TPCN1: variants seen among roughly 807,000 people sequenced by gnomAD.
The protein encoded by TPCN1 is two pore segment channel 1, also known as two pore channel protein 1.
In TPCN1, 52 loss-of-function variants were observed where a neutral mutation model predicts 108.8. The observed-to-expected ratio is 0.48, with a 90% CI of 0.38 to 0.60. TPCN1 has a LOEUF of 0.60. Ranked by LOEUF, TPCN1 falls within the 20% of genes least tolerant of loss-of-function variation. The pLI is 0.00. For synonymous variants in TPCN1, 446 were observed against 433.7 expected (o/e 1.03, Z -0.35); for missense variants, 806 against 1,072.8 (o/e 0.75, Z 3.47).
chr12:113,296,287 G>C lies in TPCN1; in HGVS notation c.*211G>C. 2.9e-6 allele frequency: 2 copies of C among 683,180 alleles called. No individual in the cohort carries two copies. Among genetic ancestry groups the C allele is most frequent in the Non-Finnish European group, 4.7e-6 (2 of 428,450 alleles). 42.3% of individuals were successfully genotyped at this position (683,180 alleles called of 1,614,324 possible). A position where few individuals can be genotyped will look rare whatever the true frequency, so the allele number is the denominator to read the frequency against. ...AGCCAGTTTGGTGAGGGGTGGGGGTGCGGCCACCAGGTCTGAGCTCTTCCT... is the reference window on the plus strand; with the variant it reads ...AGCCAGTTTGGTGAGGGGTGGGGGTCCGGCCACCAGGTCTGAGCTCTTCCT... On this transcript the variant is annotated 3_prime_UTR_variant, in exon 28 of 28. Coordinates refer to ENST00000335509, the MANE Select transcript of TPCN1 (RefSeq NM_017901.6).
intron 1 of TPCN1, among the ~76,000 whole-genome samples, chr12:113,224,235 G>A (rs1199298404): frequency 2.0e-5 from 3 of 152,154 alleles, no homozygotes; most frequent in East Asian, 3.9e-4. Context: ...GGCAGGATAC[G>A]TAATCTGTCT....
intron 27 of TPCN1, among the ~76,000 whole-genome samples, chr12:113,295,613 A>G (rs183462698): frequency 6.6e-6 from 1 of 152,234 alleles, no homozygotes; most frequent in African/African-American, 2.4e-5. Flanking sequence ...CAGGGACACA[A>G]TTCCTGCCAA....
At chr12:113,239,792 G>A (rs975557128) in intron 2 of TPCN1, among the ~76,000 whole-genome samples, 12 of 152,110 alleles carry the variant, frequency 7.9e-5, no homozygotes, top group African/African-American at 1.9e-4. Context: ...CTTCCCCGTC[G>A]CCGCCCTACC....
At chr12:113,249,129 G>T (rs560562612) in intron 2 of TPCN1, among the ~76,000 whole-genome samples, 2 of 152,268 alleles carry the variant, frequency 1.3e-5, no homozygotes, top group South Asian at 4.1e-4. Context: ...AGGAAAATGT[G>T]GTCTCAGTCA....
chr12:113,267,513 C>T (rs1955312506), intron 4 of TPCN1, among the ~76,000 whole-genome samples: 1 of 152,086 alleles, frequency 6.6e-6, no homozygotes. Context: ...ATTCTCCTGC[C>T]TCAGCCTCCT....
intron 4 of TPCN1, among the ~76,000 whole-genome samples, chr12:113,267,483 C>A (rs1955310197): frequency 6.6e-6 from 1 of 151,800 alleles, no homozygotes; most frequent in Non-Finnish European, 1.5e-5. Context: ...ACTGCAACAT[C>A]TGCCTCCTGT....
chr12:113,291,413 G>A, intron 23 of TPCN1, 196 bp from the exon 24 acceptor site: 1 of 610,832 alleles, frequency 1.6e-6, no homozygotes, highest in Non-Finnish European at 2.9e-6. Context: ...GTCGTCCAGG[G>A]GAGTGGCCAG....
In TPCN1 at chr12:113,288,424, CCTGT is replaced by C. The variant is rs1230132783; in HGVS notation, c.1706+194_1706+197del. 3.4e-6 allele frequency: 5 copies of C among 1,483,852 alleles called. No individual in the cohort carries two copies. The East Asian group carries it at 9.9e-5, about 29-fold the overall frequency. 91.9% of individuals were successfully genotyped at this position (1,483,852 alleles called of 1,614,324 possible). Reference sequence around the variant, plus strand: ...CCTGGGCACCATTTTTCTCCACTGACCTGTCTGACATATTTAGTAGGGAGGGCAG... The same window carrying C: ...CCTGGGCACCATTTTTCTCCACTGACCTGACATATTTAGTAGGGAGGGCAG... On this transcript the variant is annotated intron_variant, in intron 20 of 27. Transcript: ENST00000335509. The surrounding 1 kb of genome is among the most constrained non-coding windows in gnomAD (Gnocchi z 4.8).
intron 2 of TPCN1, among the ~76,000 whole-genome samples, chr12:113,228,923 T>A (rs1953574361): frequency 6.6e-6 from 1 of 152,208 alleles, no homozygotes; most frequent in African/African-American, 2.4e-5. Context: ...ATAGCCAGGC[T>A]TAAGATTCTA....
At position 113,296,354 on chromosome 12, in the gene TPCN1, C is replaced by T. The variant is rs111923939; in HGVS notation, c.*278C>T. ...GAAGGCCCTTCACAAGGAGACCCCTCACCTGGATCCAGTCGACTGCGGGGC... is the reference window on the plus strand; with the variant it reads ...GAAGGCCCTTCACAAGGAGACCCCTTACCTGGATCCAGTCGACTGCGGGGC... On this transcript the variant is annotated 3_prime_UTR_variant, in exon 28 of 28. Transcript: ENST00000335509. 1,120 of 418,210 alleles carry T rather than the reference C, an allele frequency of 2.7e-3. 9 individuals are homozygous for T. The highest frequency in any genetic ancestry group is 0.019 in the African/African-American group (970 of 50,964). 25.9% of individuals were successfully genotyped at this position (418,210 alleles called of 1,614,324 possible).
At chr12:113,274,563 G>A (rs908985932) in intron 10 of TPCN1, among the ~76,000 whole-genome samples, 13 of 152,104 alleles carry the variant, frequency 8.5e-5, no homozygotes, top group Middle Eastern at 3.2e-3. Flanking sequence ...TTTGATTTGC[G>A]GTTGGTTGAA....
intron 25 of TPCN1, 38 bp downstream of exon 25, chr12:113,291,996 G>A (rs745778226): frequency 1.3e-6 from 2 of 1,571,912 alleles, no homozygotes; most frequent in Non-Finnish European, 1.8e-6. Flanking sequence ...TTTGATATCT[G>A]CCGCCTACCC....
chr12:113,282,398 A>G (rs1186498865), intron 15 of TPCN1, among the ~76,000 whole-genome samples: 2 of 151,404 alleles, frequency 1.3e-5, no homozygotes, highest in Admixed American at 6.6e-5. Flanking sequence ...CGGCCTACAC[A>G]TTTGGATTTC....
intron 23 of TPCN1, 137 bp downstream of exon 23, chr12:113,291,135 A>G: frequency 1.2e-6 from 1 of 867,538 alleles, no homozygotes; most frequent in Non-Finnish European, 1.8e-6. Context: ...GTTGGTGTTC[A>G]GTGGGGAGGC....
intron 2 of TPCN1, chr12:113,245,784 C>T (rs1954357629): frequency 2.7e-6 from 1 of 364,274 alleles, no homozygotes; most frequent in East Asian, 7.5e-5. Flanking sequence ...CCGGGCTGCC[C>T]CCTGCGCCTG....
At chr12:113,274,001 A>G (rs1161388018) in intron 10 of TPCN1, among the ~76,000 whole-genome samples, 1 of 152,220 alleles carries the variant, frequency 6.6e-6, no homozygotes, top group African/African-American at 2.4e-5. Context: ...GATTGTTTGC[A>G]GGACCCCCTG....
At chr12:113,277,973 T>G (rs1593180286) in intron 12 of TPCN1, among the ~76,000 whole-genome samples, 1 of 152,126 alleles carries the variant, frequency 6.6e-6, no homozygotes, top group Non-Finnish European at 1.5e-5. Flanking sequence ...GGTGGAGACT[T>G]AAGTGGATTA....
chr12:113,233,158 C>G (rs931717871), intron 2 of TPCN1, among the ~76,000 whole-genome samples: 33 of 152,224 alleles, frequency 2.2e-4, no homozygotes, highest in African/African-American at 6.8e-4. Flanking sequence ...GGGATCCTGT[C>G]TGTTGCCTCA....
intron 26 of TPCN1, 69 bp from the exon 27 acceptor site, chr12:113,293,200 C>A: frequency 6.2e-7 from 1 of 1,603,450 alleles, no homozygotes; most frequent in Non-Finnish European, 8.5e-7. Context: ...GTGGGAGACG[C>A]CAACTGTGGC....
Sources: gnomAD v4.1 joint callset for allele counts (sites outside exome capture counted in the v4.1 genomes callset) on GRCh38, gnomAD v4.1.1 for gene constraint, Gnocchi (gnomAD v3.1) non-coding constraint, MANE v1.5 for transcripts, NCBI Gene and HGNC (gene_info 2026-07-23, HGNC 2026-07-21) for gene names.